The following CACNA1C variants were observed in gnomAD, a reference collection of about 807,000 sequenced individuals.
The protein encoded by CACNA1C is calcium voltage-gated channel subunit alpha1 C.
CACNA1C carries 30 observed loss-of-function variants against 229.0 expected under a neutral mutation model. That is an observed-to-expected ratio of 0.13 (90% CI 0.10 to 0.18). The LOEUF is 0.18. Ranked by LOEUF, CACNA1C falls within the 10% of genes least tolerant of loss-of-function variation. The pLI, the probability that CACNA1C is intolerant of heterozygous loss-of-function variation, is 1.00. For synonymous variants in CACNA1C, 1,114 were observed against 1,132.5 expected (o/e 0.98, Z 0.33); for missense variants, 1,658 against 2,845.0 (o/e 0.58, Z 9.49).
rs546924433 is a variant in CACNA1C at position 2,285,254 on chromosome 12, C to G, written c.478-163722C>G. Reference sequence around the variant, plus strand: ...TGCTGACTGAACTCAACCCTTTACACTGGGCATTCAATGTCATCACATTGA... The same window carrying G: ...TGCTGACTGAACTCAACCCTTTACAGTGGGCATTCAATGTCATCACATTGA... On this transcript the variant is annotated intron_variant, in intron 3 of 46. Transcript: ENST00000399655. This position sits in a 1 kb window ranked among gnomAD's most constrained non-coding sequence, Gnocchi z 4.2. Among the ~76,000 whole-genome samples the G allele has an allele frequency of 3.3e-5, 5 of 152,356 alleles. No individual in the cohort carries two copies. Among genetic ancestry groups the G allele is most frequent in the African/African-American group, 1.2e-4 (5 of 41,584 alleles).
chr12:2,293,870 C>G (rs763207033), intron 3 of CACNA1C, among the ~76,000 whole-genome samples: 2 of 152,234 alleles, frequency 1.3e-5, no homozygotes, highest in Non-Finnish European at 2.9e-5. Context: ...TAGATAACAG[C>G]AGCTTCCAGT....
intron 3 of CACNA1C, among the ~76,000 whole-genome samples, chr12:2,292,474 T>G (rs1407176315): frequency 1.3e-5 from 2 of 152,238 alleles, no homozygotes; most frequent in East Asian, 3.8e-4. Flanking sequence ...CATTGTGCAG[T>G]ACAGAGGTCA....
chr12:2,414,785 C>T (rs1192654556), intron 3 of CACNA1C, among the ~76,000 whole-genome samples: 2 of 152,192 alleles, frequency 1.3e-5, no homozygotes, highest in African/African-American at 2.4e-5. Flanking sequence ...TGAATGTGGG[C>T]AGCCCTGAGC....
rs891152522 is a variant in CACNA1C, at chr12:2,034,753, T to C, written c.139+63552T>C. Among the ~76,000 whole-genome samples, 4 of 152,180 alleles carry C rather than the reference T, an allele frequency of 2.6e-5. No homozygotes were observed. The highest frequency in any genetic ancestry group is 9.7e-5 in the African/African-American group (4 of 41,450). ...AAAAACACCTTTCGGAGTGCCTCCTTCGTGCCAGGCTCTGCAGATATAGCT... is the reference window on the plus strand; with the variant it reads ...AAAAACACCTTTCGGAGTGCCTCCTCCGTGCCAGGCTCTGCAGATATAGCT... On this transcript the variant is annotated intron_variant, in intron 1 of 46. Transcript: ENST00000682462. The surrounding 1 kb of genome is among the most constrained non-coding windows in gnomAD (Gnocchi z 4.1).
intron 3 of CACNA1C, among the ~76,000 whole-genome samples, chr12:2,157,637 A>G (rs1429843435): frequency 2.0e-5 from 3 of 152,250 alleles, no homozygotes; most frequent in Non-Finnish European, 4.4e-5. Flanking sequence ...GTGGGGCCTT[A>G]GAGCAAAGCC....
intron 3 of CACNA1C, among the ~76,000 whole-genome samples, chr12:2,405,100 C>G (rs719024): frequency 0.78 from 117,965 of 152,116 alleles, 46,141 homozygotes; most frequent in Non-Finnish European, 0.83. Flanking sequence ...GGAAAGAATA[C>G]GGACGGGATA....
In CACNA1C at chr12:2,493,701, TC is replaced by T. The variant is rs1214313041; in HGVS notation, c.1113+317del. The stretch of plus-strand genomic sequence containing the variant: ...GGCTGGCACAAGGGTTCCGTTCAAC[TC>T]CTCCTCCCATGCAGAGTTCCTTCTG... On this transcript the variant is annotated intron_variant, in intron 7 of 46. Coordinates refer to ENST00000399655, the MANE Select transcript of CACNA1C (RefSeq NM_000719.7). This position sits in a 1 kb window ranked among gnomAD's most constrained non-coding sequence, Gnocchi z 4.6. 6.6e-6 allele frequency among the ~76,000 whole-genome samples: 1 copy of T among 152,164 alleles called. No individual in the cohort carries two copies. The highest frequency in any genetic ancestry group is 2.4e-5 in the African/African-American group (1 of 41,428).
At chr12:2,521,465 C>T (rs553982412) in intron 9 of CACNA1C, among the ~76,000 whole-genome samples, 4 of 152,302 alleles carry the variant, frequency 2.6e-5, no homozygotes, top group South Asian at 2.1e-4. Context: ...ACTGGGGGTC[C>T]TTGGCAGGGT....
At chr12:2,280,211 C>T (rs34319780) in intron 3 of CACNA1C, among the ~76,000 whole-genome samples, 1,569 of 105,868 alleles carry the variant, frequency 0.015, 27 homozygotes, top group Middle Eastern at 0.037. Flanking sequence ...CTCTTGAGAC[C>T]TTGCTGTGCT....
At chr12:2,192,313 A>G (rs1010144275) in intron 3 of CACNA1C, among the ~76,000 whole-genome samples, 1 of 152,100 alleles carries the variant, frequency 6.6e-6, no homozygotes, top group Non-Finnish European at 1.5e-5. Context: ...CTGCTCCCAA[A>G]CAACTCTTAA....
intron 3 of CACNA1C, among the ~76,000 whole-genome samples, chr12:2,306,543 T>C (rs2095039725): frequency 6.6e-6 from 1 of 152,236 alleles, no homozygotes. Flanking sequence ...CTAAAAAGAA[T>C]TCCTCCTCTG....
In CACNA1C at chr12:2,145,296, CT is replaced by C. The variant is rs1294061279; in HGVS notation, c.477+24874del. Among the ~76,000 whole-genome samples the C allele has an allele frequency of 2.0e-5, 3 of 150,954 alleles. 1 individual carries two copies. Among genetic ancestry groups the C allele is most frequent in the Admixed American group, 1.3e-4 (2 of 14,970 alleles). ...TTGGAAGAGCTTCCTGCCTGAATAA[CT>C]TTTTTTTCTTTTCATTTTCTCCAGT... On this transcript the variant is annotated intron_variant, in intron 3 of 46. Transcript: ENST00000399655.
intron 29 of CACNA1C, among the ~76,000 whole-genome samples, chr12:2,631,216 G>A (rs1439847203): frequency 1.3e-5 from 2 of 152,118 alleles, no homozygotes; most frequent in Non-Finnish European, 2.9e-5. Context: ...CTCTCTGGTG[G>A]ATGAAGATTC....
intron 38 of CACNA1C, among the ~76,000 whole-genome samples, chr12:2,672,719 A>G (rs572052223): frequency 6.6e-6 from 1 of 152,370 alleles, no homozygotes; most frequent in African/African-American, 2.4e-5. Flanking sequence ...CCTCACCTTA[A>G]CTAATTACAT....
At chr12:2,141,778 A>G (rs189159061) in intron 3 of CACNA1C, among the ~76,000 whole-genome samples, 2 of 151,294 alleles carry the variant, frequency 1.3e-5, no homozygotes, top group Admixed American at 6.6e-5. Flanking sequence ...AGATTGCTGT[A>G]TATCTGACAG....
intron 3 of CACNA1C, among the ~76,000 whole-genome samples, chr12:2,260,424 C>T (rs1858528552): frequency 6.8e-6 from 1 of 147,848 alleles, no homozygotes; most frequent in African/African-American, 2.5e-5. Context: ...TGTAGTGAGC[C>T]ATGATCATAT....
chr12:2,435,329 A>G (rs1343801877), intron 3 of CACNA1C, among the ~76,000 whole-genome samples: 3 of 152,102 alleles, frequency 2.0e-5, no homozygotes, highest in Non-Finnish European at 4.4e-5. Context: ...TTGCACACAC[A>G]ATCTGTGTTG....
rs866770444 is a variant in CACNA1C, at chr12:2,410,696, G to A, written c.478-38280G>A. On this transcript the variant is annotated intron_variant, in intron 3 of 46. Coordinates refer to ENST00000399655, the MANE Select transcript of CACNA1C (RefSeq NM_000719.7). This position sits in a 1 kb window ranked among gnomAD's most constrained non-coding sequence, Gnocchi z 5.3. ...CTGACTCTAGCTGTGAGGATGGCTC[G>A]CCTGTGTGTGTGTGTGTGCGTGCAC... 2.2e-4 allele frequency among the ~76,000 whole-genome samples: 31 copies of A among 138,604 alleles called. No homozygotes were observed. The highest frequency in any genetic ancestry group is 7.5e-4 in the African/African-American group (27 of 36,038). The allele number at this position is 138,604 out of a possible 152,430, so 90.9% of individuals were successfully genotyped here.
At chr12:2,218,167 A>G (rs2060468189) in intron 3 of CACNA1C, among the ~76,000 whole-genome samples, 1 of 151,948 alleles carries the variant, frequency 6.6e-6, no homozygotes, top group Admixed American at 6.6e-5. Flanking sequence ...CCACGTCCCT[A>G]CTCTAGCATC....
Sources: allele counts gnomAD v4.1 joint callset (sites outside exome capture counted in the v4.1 genomes callset), GRCh38; gene constraint gnomAD v4.1.1; non-coding constraint Gnocchi (gnomAD v3.1); transcripts MANE v1.5; gene names NCBI Gene and HGNC (gene_info 2026-07-23, HGNC 2026-07-21).